The following ERC2 variants were observed in gnomAD, a reference collection of about 807,000 sequenced individuals.
The protein encoded by ERC2 is ELKS/RAB6-interacting/CAST family member 2, also known as ERC protein 2.
Under a neutral mutation model 114.8 loss-of-function variants are expected in ERC2, and 42 were observed. That is an observed-to-expected ratio of 0.37 (90% CI 0.29 to 0.47). The LOEUF (loss-of-function observed/expected upper bound fraction) is 0.47. Ranked by LOEUF, ERC2 falls within the 20% of genes least tolerant of loss-of-function variation. The probability of loss-of-function intolerance (pLI) is 0.99; values close to 1 mark genes in which losing one functional copy is unlikely to be tolerated. For synonymous variants in ERC2, 454 were observed against 425.5 expected (o/e 1.07, Z -0.82); for missense variants, 939 against 1,150.7 (o/e 0.82, Z 2.66).
intron 17 of ERC2, among the ~76,000 whole-genome samples, chr3:55,545,183 TCCA>T (rs1189456070): frequency 2.0e-5 from 3 of 152,162 alleles, no homozygotes; most frequent in African/African-American, 7.2e-5. Flanking sequence ...CCATCCTCAC[TCCA>T]CCACGGCCAC....
intron 6 of ERC2, among the ~76,000 whole-genome samples, chr3:56,119,410 A>C (rs2079445741): frequency 6.6e-6 from 1 of 152,216 alleles, no homozygotes; most frequent in African/African-American, 2.4e-5. Context: ...TCTATCCACC[A>C]GGAAAAAAGT....
intron 14 of ERC2, among the ~76,000 whole-genome samples, chr3:55,746,087 T>C (rs984700368): frequency 6.6e-6 from 1 of 152,220 alleles, no homozygotes; most frequent in Non-Finnish European, 1.5e-5. Flanking sequence ...TATGTTTACA[T>C]GGAATAGAAC....
chr3:55,929,236 C>T (rs562143176), intron 13 of ERC2, among the ~76,000 whole-genome samples: 2 of 152,270 alleles, frequency 1.3e-5, no homozygotes, highest in East Asian at 3.9e-4. Flanking sequence ...AGAGTGTAAA[C>T]AGAGAGCTCC....
At chr3:56,327,021 A>G (rs1223702891) in intron 2 of ERC2, among the ~76,000 whole-genome samples, 2 of 152,236 alleles carry the variant, frequency 1.3e-5, no homozygotes, top group East Asian at 3.8e-4. Context: ...CTGGGAGGCC[A>G]AGAAGCCTAC....
At position 55,879,099 on chromosome 3, in the gene ERC2, A is replaced by ATTTTTTTTTTTTTTT. The variant is rs3047064; in HGVS notation, c.2564+9289_2564+9290insAAAAAAAAAAAAAAA. Among the ~76,000 whole-genome samples the ATTTTTTTTTTTTTTT allele has an allele frequency of 1.2e-4, 15 of 127,774 alleles. 1 individual carries two copies. The highest frequency in any genetic ancestry group is 2.7e-4 in the African/African-American group (9 of 33,528). 83.8% of individuals were successfully genotyped at this position (127,774 alleles called of 152,430 possible). On this transcript the variant is annotated intron_variant, in intron 14 of 17. Coordinates refer to ENST00000288221, the MANE Select transcript of ERC2 (RefSeq NM_015576.3). ...CTTTTCTTTTTTTTTCTTTTTCTTA[A>ATTTTTTTTTTTTTTT]TTTTTTTTTTTGGCAGAGTTTCTGC...
At position 55,930,534 on chromosome 3, in the gene ERC2, G is replaced by T. The variant is rs542089357; in HGVS notation, c.2403+19891C>A. The stretch of plus-strand genomic sequence containing the variant: ...GTCCCTATTTAATAAATGGTGTTGG[G>T]AAAACGGGCTAGCCATATGCAGAAA... On this transcript the variant is annotated intron_variant, in intron 13 of 17. Coordinates refer to ENST00000288221, the MANE Select transcript of ERC2 (RefSeq NM_015576.3). 6.8e-4 allele frequency among the ~76,000 whole-genome samples: 103 copies of T among 152,136 alleles called. 1 individual carries two copies. Among genetic ancestry groups the T allele is most frequent in the Non-Finnish European group, 1.5e-4 (10 of 68,020 alleles).
intron 2 of ERC2, among the ~76,000 whole-genome samples, chr3:56,430,144 T>G (rs1192878710): frequency 1.3e-5 from 2 of 152,230 alleles, no homozygotes; most frequent in Non-Finnish European, 2.9e-5. Flanking sequence ...CATTAGAACT[T>G]AGGTTAGTGA....
chr3:55,801,108 G>C (rs1298312285), intron 14 of ERC2, among the ~76,000 whole-genome samples: 2 of 152,150 alleles, frequency 1.3e-5, no homozygotes, highest in Non-Finnish European at 2.9e-5. Context: ...GTACAAAATT[G>C]CTTCTTGAAT....
chr3:55,844,724 C>G (rs1442089738), intron 14 of ERC2, among the ~76,000 whole-genome samples: 1 of 152,120 alleles, frequency 6.6e-6, no homozygotes, highest in African/African-American at 2.4e-5. Context: ...TACATGAATT[C>G]AAAATGTCAC....
chr3:55,760,993 A>C (rs1234879093), intron 14 of ERC2, among the ~76,000 whole-genome samples: 1 of 152,240 alleles, frequency 6.6e-6, no homozygotes, highest in Non-Finnish European at 1.5e-5. Flanking sequence ...GATGTGCCAA[A>C]TGAAGACACA....
chr3:55,796,942 A>G (rs2070557768), intron 14 of ERC2, among the ~76,000 whole-genome samples: 1 of 152,250 alleles, frequency 6.6e-6, no homozygotes, highest in Non-Finnish European at 1.5e-5. Context: ...TTTTTTTCCC[A>G]CATATGTGAG....
chr3:55,739,494 A>T (rs984451113), intron 14 of ERC2, among the ~76,000 whole-genome samples: 4 of 152,114 alleles, frequency 2.6e-5, no homozygotes, highest in African/African-American at 7.2e-5. Flanking sequence ...TTTGATTTGC[A>T]TTTCTCTGAT....
At chr3:56,466,494 T>A (rs2063549640) in intron 1 of ERC2, among the ~76,000 whole-genome samples, 1 of 152,104 alleles carries the variant, frequency 6.6e-6, no homozygotes, top group Non-Finnish European at 1.5e-5. Context: ...CACCCCTCCC[T>A]GCCAAAACTG....
Position 56,393,806 on chromosome 3 carries a change from C to T in ERC2, c.657+40545G>A, listed in dbSNP as rs62255910. 7.4e-3 allele frequency among the ~76,000 whole-genome samples: 1,134 copies of T among 152,252 alleles called. 8 individuals are homozygous for T. Among genetic ancestry groups the T allele is most frequent in the Middle Eastern group, 0.017 (5 of 294 alleles). The stretch of plus-strand genomic sequence containing the variant: ...CTGACTGAAAGCCAGGATTAGCAAA[C>T]CATCAGCTACACTGCCATAAGCCTC... On this transcript the variant is annotated intron_variant, in intron 2 of 17. Transcript: ENST00000288221.
chr3:55,827,862 T>C (rs2060395181), intron 14 of ERC2, among the ~76,000 whole-genome samples: 1 of 152,148 alleles, frequency 6.6e-6, no homozygotes, highest in Non-Finnish European at 1.5e-5. Context: ...CCATGATAAA[T>C]ACAAAGCCCC....
At chr3:55,561,515 T>C (rs1204712341) in intron 17 of ERC2, among the ~76,000 whole-genome samples, 1 of 152,180 alleles carries the variant, frequency 6.6e-6, no homozygotes, top group Non-Finnish European at 1.5e-5. Flanking sequence ...AGCTAAACCA[T>C]GCCTGCACAT....
intron 6 of ERC2, among the ~76,000 whole-genome samples, chr3:56,113,775 C>T (rs1263405317): frequency 6.6e-6 from 1 of 152,136 alleles, no homozygotes; most frequent in Non-Finnish European, 1.5e-5. Context: ...TGTAGTGGGT[C>T]CCCAGGTTAC....
At chr3:56,282,055 C>T (rs1023890168) in intron 3 of ERC2, among the ~76,000 whole-genome samples, 5 of 152,174 alleles carry the variant, frequency 3.3e-5, no homozygotes, top group Non-Finnish European at 7.3e-5. Context: ...CAAGCCTGTG[C>T]AAAGTGCTTT....
chr3:55,870,524 C>T (rs1291989472), intron 14 of ERC2, among the ~76,000 whole-genome samples: 3 of 152,148 alleles, frequency 2.0e-5, no homozygotes, highest in Non-Finnish European at 4.4e-5. Flanking sequence ...TCAGAAGAAT[C>T]CCACAGGGGA....
Sources: allele counts gnomAD v4.1 joint callset (sites outside exome capture counted in the v4.1 genomes callset), GRCh38; gene constraint gnomAD v4.1.1; transcripts MANE v1.5; gene names NCBI Gene and HGNC (gene_info 2026-07-23, HGNC 2026-07-21).